The following DYRK3 variants were observed in gnomAD, a reference collection of about 807,000 sequenced individuals.
DYRK3 encodes dual specificity tyrosine phosphorylation regulated kinase 3, also known as dual specificity tyrosine-phosphorylation-regulated kinase 3.
Under a neutral mutation model 40.8 loss-of-function variants are expected in DYRK3, and 30 were observed. The ratio of observed to expected loss-of-function variants is 0.74; its 90% CI spans 0.55 to 1.00. The LOEUF (loss-of-function observed/expected upper bound fraction) is 1.00, where lower values mean the gene tolerates loss of function less well. Among genes scored for constraint, DYRK3 ranks in the 50% least tolerant of loss-of-function variants. The probability of loss-of-function intolerance (pLI) is 0.00; values close to 1 mark genes in which losing one functional copy is unlikely to be tolerated. For synonymous variants in DYRK3, 272 were observed against 260.7 expected, an observed-to-expected ratio of 1.04 and a Z score of -0.42; for missense variants, 699 against 731.5, an observed-to-expected ratio of 0.96 and a Z score of 0.51.
chr1:206,652,049 A>G lies in DYRK3; in HGVS notation c.*3084A>G, dbSNP rs1320915018. On this transcript the variant is annotated 3_prime_UTR_variant, in exon 3 of 3. Coordinates refer to ENST00000367109, the MANE Select transcript of DYRK3 (RefSeq NM_003582.4). ...GACACTGTCTTCCAAGAGTGAATGC[A>G]TTGGCCTTTGGAACTGCTGCTAAAG... is the stretch of plus-strand genomic sequence containing the variant. Among the ~76,000 whole-genome samples the G allele has an allele frequency of 6.6e-6, 1 of 152,186 alleles. No individual in the cohort carries two copies. The highest frequency in any genetic ancestry group is 2.4e-5 in the African/African-American group (1 of 41,450).
At position 206,653,349 on chromosome 1, in the gene DYRK3, A is replaced by T. The variant is rs1448371522; in HGVS notation, c.*4384A>T. On this transcript the variant is annotated 3_prime_UTR_variant, in exon 3 of 3. Transcript: ENST00000367109. ...TTTCTTTCAATATGGAAAATTGGCT[A>T]ATCCACCTAATACCTGCTCATCTTC... Among the ~76,000 whole-genome samples the T allele has an allele frequency of 2.0e-5, 3 of 152,158 alleles. No individual in the cohort carries two copies. In the East Asian group the frequency reaches 5.8e-4, roughly 29 times the overall value.
At position 206,643,736 on chromosome 1, in the gene DYRK3, A is replaced by G. The variant is rs532393434; in HGVS notation, c.190-3652A>G. Among the ~76,000 whole-genome samples the G allele has an allele frequency of 1.2e-4, 18 of 152,308 alleles. 1 individual carries two copies. In the South Asian group the frequency reaches 3.7e-3, roughly 32 times the overall value. ...CCTATTGTGGGGGCCCTCATTGAGCAGAAGGCATAGTTAGTGCTAGACGCA... is the reference window on the plus strand; with the variant it reads ...CCTATTGTGGGGGCCCTCATTGAGCGGAAGGCATAGTTAGTGCTAGACGCA... On this transcript the variant is annotated intron_variant, in intron 2 of 2. Transcript: ENST00000367109.
intron 1 of DYRK3, chr1:206,636,051 G>A (rs1671097060): frequency 1.3e-6 from 2 of 1,489,070 alleles, no homozygotes; most frequent in Non-Finnish European, 1.8e-6. Context: ...ACCCTAGATC[G>A]GGGTATATGT....
At chr1:206,647,021 A>G (rs1553420207) in intron 2 of DYRK3, among the ~76,000 whole-genome samples, 1 of 152,164 alleles carries the variant, frequency 6.6e-6, no homozygotes, top group African/African-American at 2.4e-5. Flanking sequence ...TAAGTGGAAG[A>G]GAGAGGAATT....
chr1:206,648,011 T>C lies in DYRK3; in HGVS notation c.813T>C (p.Val271=), dbSNP rs782146559. The C allele has an allele frequency of 1.2e-6, 2 of 1,614,182 alleles. No individual in the cohort carries two copies. Among genetic ancestry groups the C allele is most frequent in the Non-Finnish European group, 1.7e-6 (2 of 1,180,036 alleles). Residue 271 remains valine, a synonymous_variant, in exon 3 of 3, where the codon GTT becomes GTC. Coordinates refer to ENST00000367109, the MANE Select transcript of DYRK3 (RefSeq NM_003582.4). ...KKQDKTGSMN[V]IHMLESFTFR... ...AGGATAAAACTGGTAGTATGAACGT[T>C]ATCCACATGCTGGAAAGTTTCACAT...
rs1441047482 is a variant in DYRK3 at position 206,648,967 on chromosome 1, G to A, written c.*2G>A. ...GTATTGCCAAAACTGATTAGCTAGTGGACAGAGATATGCCCAGAGATGCAT... is the reference window on the plus strand; with the variant it reads ...GTATTGCCAAAACTGATTAGCTAGTAGACAGAGATATGCCCAGAGATGCAT... On this transcript the variant is annotated 3_prime_UTR_variant, in exon 3 of 3. Coordinates refer to ENST00000367109, the MANE Select transcript of DYRK3 (RefSeq NM_003582.4). 4.4e-6 allele frequency: 7 copies of A among 1,604,678 alleles called. No homozygotes were observed. Among genetic ancestry groups the A allele is most frequent in the Non-Finnish European group, 6.0e-6 (7 of 1,174,424 alleles).
At chr1:206,643,502 C>T (rs560942342) in intron 2 of DYRK3, among the ~76,000 whole-genome samples, 6 of 152,280 alleles carry the variant, frequency 3.9e-5, no homozygotes, top group Middle Eastern at 3.4e-3. Flanking sequence ...TTCCCAGGGA[C>T]AGACGCTGCA....
chr1:206,640,996 T>G (rs1181981597), intron 2 of DYRK3, among the ~76,000 whole-genome samples: 1 of 152,178 alleles, frequency 6.6e-6, no homozygotes. Flanking sequence ...TGGATATAAT[T>G]ACATGGTTAA....
chr1:206,648,467 G>T lies in DYRK3; in HGVS notation c.1269G>T (p.Glu423Asp). Residue 423 changes from glutamate (E) to aspartate (D), a missense_variant, in exon 3 of 3, where the codon GAG (glutamate) becomes GAT (aspartate). Coordinates refer to ENST00000367109, the MANE Select transcript of DYRK3 (RefSeq NM_003582.4). ...GAGACCAGTTGGCCTGCATGATGGA[G>T]CTTCTAGGGATGCCACCACCAAAAC... ...DEGDQLACMM[E>D]LLGMPPPKLL... The T allele has an allele frequency of 6.8e-6, 11 of 1,614,180 alleles. No homozygotes were observed. The highest frequency in any genetic ancestry group is 9.3e-6 in the Non-Finnish European group (11 of 1,180,016).
chr1:206,653,029 T>G lies in DYRK3; in HGVS notation c.*4064T>G, dbSNP rs1267363426. Reference sequence around the variant, plus strand: ...CAAGTCATTTTTTCTTTTTCTTTATTTTTTCTTTTTGAGACAGAGTCTCGC... The same window carrying G: ...CAAGTCATTTTTTCTTTTTCTTTATGTTTTCTTTTTGAGACAGAGTCTCGC... On this transcript the variant is annotated 3_prime_UTR_variant, in exon 3 of 3. Coordinates refer to ENST00000367109, the MANE Select transcript of DYRK3 (RefSeq NM_003582.4). Among the ~76,000 whole-genome samples, 2 of 152,162 alleles carry G rather than the reference T, an allele frequency of 1.3e-5. No homozygotes were observed. Among genetic ancestry groups the G allele is most frequent in the East Asian group, 3.8e-4 (2 of 5,202 alleles).
chr1:206,639,060 T>C (rs1478611584), intron 2 of DYRK3, among the ~76,000 whole-genome samples: 1 of 151,978 alleles, frequency 6.6e-6, no homozygotes, highest in Non-Finnish European at 1.5e-5. Context: ...TTTGTATTTT[T>C]AGTAGAGACA....
rs201944049 is a variant in DYRK3 at position 206,635,738 on chromosome 1, A to T, written c.35A>T (p.Asp12Val). The T allele has an allele frequency of 1.2e-5, 15 of 1,246,266 alleles. No individual in the cohort carries two copies. The highest frequency in any genetic ancestry group is 3.2e-5 in the East Asian group (1 of 31,726). 77.2% of individuals were successfully genotyped at this position (1,246,266 alleles called of 1,614,324 possible). ...ACAGCTCGTGGGCCTGGGCGGAAGGATGCGGGGCCGCCTGGGGCCGGGCTC... is the reference window on the plus strand; with the variant it reads ...ACAGCTCGTGGGCCTGGGCGGAAGGTTGCGGGGCCGCCTGGGGCCGGGCTC... The part of the protein sequence containing the change: ...GGTARGPGRK[D>V]AGPPGAGLPP... Residue 12 changes from aspartate to valine, a missense_variant, in exon 1 of 3, where the codon GAT (aspartate) becomes GTT (valine). By Grantham distance (152) the Asp-to-Val change is radical. Coordinates refer to ENST00000367109, the MANE Select transcript of DYRK3 (RefSeq NM_003582.4).
intron 2 of DYRK3, among the ~76,000 whole-genome samples, chr1:206,644,622 C>G (rs1671395954): frequency 1.3e-5 from 2 of 152,132 alleles, no homozygotes; most frequent in African/African-American, 4.8e-5. Context: ...TCACTGCAAC[C>G]TCCACCTCCC....
chr1:206,648,242 C>G lies in DYRK3; in HGVS notation c.1044C>G (p.Arg348=), dbSNP rs200948367. The G allele has an allele frequency of 6.2e-7, 1 of 1,614,024 alleles. No individual in the cohort carries two copies. Among genetic ancestry groups the G allele is most frequent in the African/African-American group, 1.3e-5 (1 of 74,896 alleles). Residue 348 remains arginine, a synonymous_variant, in exon 3 of 3, where the codon CGC becomes CGG. Transcript: ENST00000367109. ...PENILLKHHG[R]SSTKVIDFGS... is the part of the protein sequence containing the mutation. Reference sequence around the variant, plus strand: ...ACATTCTCCTGAAACACCACGGGCGCAGTTCAACCAAGGTCATTGACTTTG... The same window carrying G: ...ACATTCTCCTGAAACACCACGGGCGGAGTTCAACCAAGGTCATTGACTTTG...
intron 1 of DYRK3, chr1:206,637,022 A>C (rs1553418488): frequency 7.4e-7 from 1 of 1,343,848 alleles, no homozygotes. Context: ...TTGCTGTAGT[A>C]CTTACTGTAT....
intron 1 of DYRK3, chr1:206,636,962 A>T: frequency 6.2e-7 from 1 of 1,604,424 alleles, no homozygotes. Context: ...ATGAAGTGGA[A>T]AGAGAAGTAA....
chr1:206,648,468 C>T lies in DYRK3; in HGVS notation c.1270C>T (p.Leu424Phe). 1 of 1,614,144 alleles carries T rather than the reference C, an allele frequency of 6.2e-7. No individual in the cohort carries two copies. Among genetic ancestry groups the T allele is most frequent in the Non-Finnish European group, 8.5e-7 (1 of 1,180,030 alleles). ...AGACCAGTTGGCCTGCATGATGGAG[C>T]TTCTAGGGATGCCACCACCAAAACT... ...EGDQLACMMELLGMPPPKLLE... is the reference protein window; with the variant it reads ...EGDQLACMMEFLGMPPPKLLE... The change falls in exon 3 of 3, where the codon CTT (leucine) becomes TTT (phenylalanine). Residue 424 changes from leucine to phenylalanine, a missense_variant. Leu to Phe is a conservative substitution (Grantham distance 22). Coordinates refer to ENST00000367109, the MANE Select transcript of DYRK3 (RefSeq NM_003582.4).
chr1:206,654,555 A>G lies in DYRK3; in HGVS notation c.*5590A>G, dbSNP rs1553421650. On this transcript the variant is annotated 3_prime_UTR_variant, in exon 3 of 3. Transcript: ENST00000367109. ...CATACTCCATTTTCACCTTCAACCT[A>G]TCCTTCCTGAAGCCCAAACTTTTAA... 6.6e-6 allele frequency among the ~76,000 whole-genome samples: 1 copy of G among 152,162 alleles called. No homozygotes were observed. Among genetic ancestry groups the G allele is most frequent in the African/African-American group, 2.4e-5 (1 of 41,434 alleles).
intron 2 of DYRK3, among the ~76,000 whole-genome samples, chr1:206,638,327 A>G (rs1360522341): frequency 2.5e-5 from 3 of 121,506 alleles, no homozygotes; most frequent in Non-Finnish European, 4.7e-5. Flanking sequence ...CCCAGGCTGG[A>G]GTGCAATGGC....
Sources: allele counts gnomAD v4.1 joint callset (sites outside exome capture counted in the v4.1 genomes callset), GRCh38; gene constraint gnomAD v4.1.1; transcripts MANE v1.5; gene names NCBI Gene and HGNC (gene_info 2026-07-23, HGNC 2026-07-21).